The following COL25A1 variants were observed in gnomAD, a reference collection of about 807,000 sequenced individuals.
COL25A1 encodes collagen type XXV alpha 1 chain.
COL25A1 carries 103 observed loss-of-function variants against 128.4 expected under a neutral mutation model. The observed-to-expected ratio is 0.80, with a 90% CI of 0.68 to 0.94. The LOEUF (loss-of-function observed/expected upper bound fraction) is 0.94. COL25A1 is among the 40% of genes least tolerant of loss of function. COL25A1 has a pLI of 0.00. For synonymous variants in COL25A1, 279 were observed against 277.2 expected (o/e 1.01, Z -0.06); for missense variants, 745 against 840.0 (o/e 0.89, Z 1.40).
chr4:109,009,253 T>C (rs975753583), intron 6 of COL25A1, among the ~76,000 whole-genome samples: 1 of 152,268 alleles, frequency 6.6e-6, no homozygotes, highest in African/African-American at 2.4e-5. Context: ...CCGTGGGTTT[T>C]ATTCCATTAA....
intron 5 of COL25A1, among the ~76,000 whole-genome samples, chr4:109,039,935 G>A (rs140875728): frequency 6.6e-6 from 1 of 152,212 alleles, no homozygotes; most frequent in East Asian, 1.9e-4. Context: ...CTAGAGATAT[G>A]TGTGCGTATT....
At chr4:109,108,638 A>G (rs781505054) in intron 3 of COL25A1, among the ~76,000 whole-genome samples, 4 of 152,182 alleles carry the variant, frequency 2.6e-5, no homozygotes, top group African/African-American at 7.2e-5. Context: ...CTAGTTTACC[A>G]AAAATCATTA....
At chr4:109,011,137 CT>C (rs1282326158) in intron 5 of COL25A1, among the ~76,000 whole-genome samples, 3 of 152,124 alleles carry the variant, frequency 2.0e-5, no homozygotes, top group Non-Finnish European at 4.4e-5. Flanking sequence ...TTCATATCAC[CT>C]TCTTAAAATC....
At chr4:108,894,421 T>A (rs1741900153) in intron 16 of COL25A1, among the ~76,000 whole-genome samples, 1 of 152,088 alleles carries the variant, frequency 6.6e-6, no homozygotes, top group South Asian at 2.1e-4. Flanking sequence ...AAGCAGAGGT[T>A]GGTAACTATG....
chr4:109,102,944 T>C (rs1297177322), intron 3 of COL25A1, among the ~76,000 whole-genome samples: 1 of 152,154 alleles, frequency 6.6e-6, no homozygotes, highest in Non-Finnish European at 1.5e-5. Flanking sequence ...ATTATTATGT[T>C]TAAATTTAAA....
intron 3 of COL25A1, among the ~76,000 whole-genome samples, chr4:109,106,236 T>C (rs1766414897): frequency 6.6e-6 from 1 of 152,210 alleles, no homozygotes; most frequent in African/African-American, 2.4e-5. Flanking sequence ...CAGTGACCTA[T>C]GACACCAGCC....
chr4:109,068,850 C>A (rs1179222169), intron 3 of COL25A1, among the ~76,000 whole-genome samples: 2 of 151,968 alleles, frequency 1.3e-5, no homozygotes, highest in Non-Finnish European at 2.9e-5. Context: ...ATGCACAGAG[C>A]CTTTACAATG....
intron 13 of COL25A1, among the ~76,000 whole-genome samples, chr4:108,916,615 G>C (rs1290684694): frequency 6.6e-6 from 1 of 152,144 alleles, no homozygotes; most frequent in African/African-American, 2.4e-5. Flanking sequence ...CAACATTTAT[G>C]CCATATCTGT....
chr4:109,284,193 G>A (rs997179382), intron 3 of COL25A1, among the ~76,000 whole-genome samples: 1 of 152,240 alleles, frequency 6.6e-6, no homozygotes, highest in Admixed American at 6.5e-5. Flanking sequence ...GGGAGGCCGA[G>A]GCAGGCAGAT....
chr4:109,171,979 A>T (rs1773633342), intron 3 of COL25A1, among the ~76,000 whole-genome samples: 1 of 152,096 alleles, frequency 6.6e-6, no homozygotes, highest in South Asian at 2.1e-4. Context: ...CCTAATGAGA[A>T]AATTTAATTA....
chr4:108,854,669 C>T lies in COL25A1; in HGVS notation c.1321-1744G>A, dbSNP rs562149067. Among the ~76,000 whole-genome samples the T allele has an allele frequency of 2.0e-5, 3 of 152,264 alleles. No individual in the cohort carries two copies. The East Asian group carries it at 5.8e-4, about 29-fold the overall frequency. ...AATCAAAACCACAATGAGATACCAT[C>T]TCATGCCAGTTAGAATGGCGATCAT... On this transcript the variant is annotated intron_variant, in intron 24 of 37. Transcript: ENST00000399132.
At chr4:109,056,511 C>T (rs1761459352) in intron 3 of COL25A1, among the ~76,000 whole-genome samples, 6 of 151,872 alleles carry the variant, frequency 4.0e-5, no homozygotes. Flanking sequence ...TGCTTATTTT[C>T]AAGCTTTTAT....
intron 3 of COL25A1, among the ~76,000 whole-genome samples, chr4:109,268,784 A>G (rs1333100873): frequency 6.6e-6 from 1 of 152,088 alleles, no homozygotes; most frequent in Non-Finnish European, 1.5e-5. Context: ...GGCTCAACAG[A>G]AGAACAAGCT....
chr4:109,035,414 A>C (rs1759245225), intron 5 of COL25A1, among the ~76,000 whole-genome samples: 1 of 152,194 alleles, frequency 6.6e-6, no homozygotes, highest in South Asian at 2.1e-4. Flanking sequence ...AGCTCCTGTT[A>C]GTATAAAGAG....
At chr4:109,284,348 C>T (rs979538238) in intron 3 of COL25A1, among the ~76,000 whole-genome samples, 1 of 152,176 alleles carries the variant, frequency 6.6e-6, no homozygotes, top group Admixed American at 6.5e-5. Context: ...TTACTTGAAC[C>T]TAGAAGGTAG....
chr4:108,851,362 G>A (rs12513217), intron 26 of COL25A1, among the ~76,000 whole-genome samples: 117,281 of 151,964 alleles, frequency 0.77, 46,072 homozygotes, highest in South Asian at 0.88. Context: ...TCCTTTATAT[G>A]ATAGAAAAAT....
intron 3 of COL25A1, among the ~76,000 whole-genome samples, chr4:109,072,786 G>A (rs149859720): frequency 1.3e-4 from 20 of 152,196 alleles, no homozygotes; most frequent in African/African-American, 3.1e-4. Context: ...CATAAATTTC[G>A]CAATCAGCAC....
chr4:109,198,303 C>CACACACACACACAA (rs1290113835), intron 3 of COL25A1, among the ~76,000 whole-genome samples: 1 of 144,414 alleles, frequency 6.9e-6, no homozygotes, highest in African/African-American at 2.8e-5. Flanking sequence ...TTCACACACA[C>CACACACACACACAA]ACACACACAC....
intron 19 of COL25A1, among the ~76,000 whole-genome samples, chr4:108,878,534 C>T (rs1739727865): frequency 1.3e-5 from 2 of 152,124 alleles, no homozygotes; most frequent in Admixed American, 1.3e-4. Flanking sequence ...GTAATAAGAA[C>T]CACCAGGCAG....
Sources: gnomAD v4.1 joint callset for allele counts (sites outside exome capture counted in the v4.1 genomes callset) on GRCh38, gnomAD v4.1.1 for gene constraint, MANE v1.5 for transcripts, NCBI Gene and HGNC (gene_info 2026-07-23, HGNC 2026-07-21) for gene names.